Variants in DRICH1 observed in about 807,000 individuals in gnomAD.
The protein encoded by DRICH1 is aspartate-rich protein 1.
Under a neutral mutation model 39.5 loss-of-function variants are expected in DRICH1, and 38 were observed. That is an observed-to-expected ratio of 0.96 (90% CI 0.74 to 1.26). The LOEUF (loss-of-function observed/expected upper bound fraction) is 1.26. Ranked by LOEUF, DRICH1 falls within the 50% of genes most tolerant of loss-of-function variation. The pLI, the probability that DRICH1 is intolerant of heterozygous loss-of-function variation, is 0.00. For synonymous variants in DRICH1, 84 were observed against 99.5 expected (o/e 0.84, Z 0.93); for missense variants, 279 against 270.4 (o/e 1.03, Z -0.22).
chr22:23,629,291 G>A (rs1197350274), intron 1 of DRICH1, among the ~76,000 whole-genome samples: 1 of 152,084 alleles, frequency 6.6e-6, no homozygotes, highest in South Asian at 2.1e-4. Flanking sequence ...CACCCACCTC[G>A]GCCTCCCAAA....
the DRICH1 span, among the ~76,000 whole-genome samples, chr22:23,603,289 C>T: frequency 6.6e-6 from 1 of 151,942 alleles, no homozygotes; most frequent in Non-Finnish European, 1.5e-5. Flanking sequence ...CGCTACTCCC[C>T]ATCAACCTCT....
the DRICH1 span, among the ~76,000 whole-genome samples, chr22:23,586,791 C>T: frequency 9.2e-5 from 14 of 152,118 alleles, no homozygotes; most frequent in African/African-American, 3.4e-4. Context: ...GTGATCCACT[C>T]GCCTCAGCCT....
At chr22:23,622,973 A>G (rs1927851877) in intron 3 of DRICH1, among the ~76,000 whole-genome samples, 1 of 152,268 alleles carries the variant, frequency 6.6e-6, no homozygotes, top group Admixed American at 6.5e-5. Context: ...ATCTATGGAA[A>G]TGAGGAAATG....
At chr22:23,614,027 A>G (rs1927197768) in intron 9 of DRICH1, 108 bp downstream of exon 9, 4 of 761,522 alleles carry the variant, frequency 5.3e-6, no homozygotes, top group East Asian at 2.6e-5. Context: ...AGAATAGTGT[A>G]CAGTGTACAT....
chr22:23,600,913 C>T, the DRICH1 span, among the ~76,000 whole-genome samples: 434 of 152,110 alleles, frequency 2.9e-3, 2 homozygotes, highest in African/African-American at 9.7e-3. Flanking sequence ...ACCTCGTGAT[C>T]GACCCACCTC....
At chr22:23,599,730 C>T in the DRICH1 span, among the ~76,000 whole-genome samples, 1 of 152,198 alleles carries the variant, frequency 6.6e-6, no homozygotes, top group African/African-American at 2.4e-5. Flanking sequence ...AGCTCCCAGG[C>T]CTGTCTGAGG....
rs1307589360 is a variant in DRICH1, at chr22:23,613,317, C to G, written c.657G>C (p.Glu219Asp). ...TARIESDLTL[E>D]SLSDEEIHPG Reference sequence around the variant, plus strand: ...GATGAATCTCTTCATCACTTAGACTCTCCAGCGTCAAGTCTTTAGAAACAA... The same window carrying G: ...GATGAATCTCTTCATCACTTAGACTGTCCAGCGTCAAGTCTTTAGAAACAA... Residue 219 changes from glutamate to aspartate, a missense_variant, in exon 11 of 12, where the codon GAG becomes GAC. Physicochemically the swap from Glu to Asp is conservative, Grantham distance 45 (BLOSUM62 2). Transcript: ENST00000317749. 6.2e-7 allele frequency: 1 copy of G among 1,613,490 alleles called. No individual in the cohort carries two copies. Among genetic ancestry groups the G allele is most frequent in the Non-Finnish European group, 8.5e-7 (1 of 1,179,490 alleles).
the DRICH1 span, among the ~76,000 whole-genome samples, chr22:23,589,713 A>G: frequency 1.3e-5 from 2 of 152,128 alleles, no homozygotes; most frequent in East Asian, 3.9e-4. Flanking sequence ...TGTCACTCTC[A>G]CATGGCCGCA....
chr22:23,613,211 C>A, intron 11 of DRICH1, 78 bp downstream of exon 11: 1 of 1,080,298 alleles, frequency 9.3e-7, no homozygotes, highest in Non-Finnish European at 1.4e-6. Context: ...TCAGCCCCTC[C>A]TCACAAGCAA....
chr22:23,592,402 C>T, the DRICH1 span, among the ~76,000 whole-genome samples: 12 of 148,042 alleles, frequency 8.1e-5, no homozygotes, highest in African/African-American at 2.2e-4. Context: ...TGGGGGGGGG[C>T]GGTCCATGAA....
the DRICH1 span, among the ~76,000 whole-genome samples, chr22:23,600,822 G>A: frequency 2.0e-5 from 3 of 151,844 alleles, no homozygotes; most frequent in Non-Finnish European, 2.9e-5. Flanking sequence ...ATGGGCACCC[G>A]CCACCATGAC....
At chr22:23,583,363 T>G in the DRICH1 span, 1 of 152,190 alleles carries the variant, frequency 6.6e-6, no homozygotes, top group Non-Finnish European at 1.5e-5. Context: ...CAGTGCCATC[T>G]GATGGCTTGT....
chr22:23,629,372 CCATT>C (rs1254650559), intron 1 of DRICH1, among the ~76,000 whole-genome samples: 3 of 152,166 alleles, frequency 2.0e-5, no homozygotes, highest in African/African-American at 7.2e-5. Context: ...GTGTGTGCAT[CCATT>C]GAGTCAGTGG....
the DRICH1 span, among the ~76,000 whole-genome samples, chr22:23,601,721 T>C: frequency 6.6e-6 from 1 of 152,210 alleles, no homozygotes; most frequent in Non-Finnish European, 1.5e-5. Flanking sequence ...GTACCTGGGA[T>C]CCCTCTGTAT....
At chr22:23,623,440 AAAT>A (rs1221553148) in intron 3 of DRICH1, among the ~76,000 whole-genome samples, 1 of 152,162 alleles carries the variant, frequency 6.6e-6, no homozygotes, top group Non-Finnish European at 1.5e-5. Flanking sequence ...TAGAAATCAC[AAAT>A]TTATATCAGT....
At chr22:23,615,469 T>G (rs1861367139) in intron 8 of DRICH1, among the ~76,000 whole-genome samples, 2 of 152,174 alleles carry the variant, frequency 1.3e-5, no homozygotes, top group African/African-American at 4.8e-5. Flanking sequence ...TCATGTTAAA[T>G]CTAATTATCA....
the DRICH1 span, among the ~76,000 whole-genome samples, chr22:23,588,257 G>A: frequency 6.6e-6 from 1 of 152,098 alleles, no homozygotes; most frequent in Non-Finnish European, 1.5e-5. Flanking sequence ...TTCCCAAGTC[G>A]CTGGGATTAC....
At chr22:23,624,443 ACTTTTT>A (rs1331857843) in intron 3 of DRICH1, 3 of 728,716 alleles carry the variant, frequency 4.1e-6, no homozygotes, top group African/African-American at 3.8e-5. Flanking sequence ...GCTTCTATTT[ACTTTTT>A]CTTTTTCTGT....
At chr22:23,621,210 G>C (rs1255342730) in intron 4 of DRICH1, among the ~76,000 whole-genome samples, 1 of 151,918 alleles carries the variant, frequency 6.6e-6, no homozygotes, top group African/African-American at 2.4e-5. Context: ...TGCTTGTTGG[G>C]CCCCCTCTCC....
Sources: allele counts gnomAD v4.1 joint callset (sites outside exome capture counted in the v4.1 genomes callset), GRCh38; gene constraint gnomAD v4.1.1; transcripts MANE v1.5; gene names NCBI Gene and HGNC (gene_info 2026-07-23, HGNC 2026-07-21).